The following ACBD6 variants were observed in gnomAD, a reference collection of about 807,000 sequenced individuals.
The protein encoded by ACBD6 is acyl-CoA-binding domain-containing protein 6.
Under a neutral mutation model 37.2 loss-of-function variants are expected in ACBD6, and 28 were observed. The ratio of observed to expected loss-of-function variants is 0.75; its 90% CI spans 0.56 to 1.03. The LOEUF (loss-of-function observed/expected upper bound fraction) is 1.03, where lower values mean the gene tolerates loss of function less well. Ranked by LOEUF, ACBD6 falls within the 50% of genes least tolerant of loss-of-function variation. ACBD6 has a pLI of 0.00. For synonymous variants in ACBD6, 113 were observed against 126.8 expected (o/e 0.89, Z 0.73); for missense variants, 340 against 337.4 (o/e 1.01, Z -0.06).
intron 6 of ACBD6, among the ~76,000 whole-genome samples, chr1:180,379,183 A>G (rs945466925): frequency 2.6e-5 from 4 of 152,166 alleles, no homozygotes; most frequent in African/African-American, 9.7e-5. Flanking sequence ...TCATCCAGAA[A>G]TTACACTACC....
chr1:180,437,302 G>A (rs1162742338), intron 3 of ACBD6, among the ~76,000 whole-genome samples: 1 of 152,204 alleles, frequency 6.6e-6, no homozygotes, highest in Non-Finnish European at 1.5e-5. Context: ...ACCGGGGCTT[G>A]TGACTGGTCA....
At chr1:180,380,681 C>G (rs1653608480) in intron 6 of ACBD6, among the ~76,000 whole-genome samples, 1 of 151,598 alleles carries the variant, frequency 6.6e-6, no homozygotes, top group African/African-American at 2.4e-5. Flanking sequence ...ATCATGAAGA[C>G]ACGTGAAAAT....
At chr1:180,457,793 G>GCTTT (rs372918235) in intron 3 of ACBD6, among the ~76,000 whole-genome samples, 1 of 136,614 alleles carries the variant, frequency 7.3e-6, no homozygotes, top group Non-Finnish European at 1.6e-5. Context: ...AAAATTAACT[G>GCTTT]TTTTTTTTTT....
intron 6 of ACBD6, among the ~76,000 whole-genome samples, chr1:180,394,978 A>C (rs1654206016): frequency 6.6e-6 from 1 of 152,208 alleles, no homozygotes; most frequent in East Asian, 1.9e-4. Flanking sequence ...ATACAATGGG[A>C]AACTGAGGAA....
chr1:180,490,843 T>C (rs1651468691), intron 3 of ACBD6, among the ~76,000 whole-genome samples: 1 of 148,794 alleles, frequency 6.7e-6, no homozygotes, highest in South Asian at 2.1e-4. Context: ...GGTGTGCACC[T>C]ATAGTCCCAG....
chr1:180,314,860 G>A (rs899641988), intron 6 of ACBD6, 138 bp from the exon 7 acceptor site: 1 of 650,972 alleles, frequency 1.5e-6, no homozygotes, highest in African/African-American at 1.8e-5. Context: ...TCAGTTAACT[G>A]AGCTTCACCG....
chr1:180,469,460 G>A (rs1650473663), intron 3 of ACBD6, among the ~76,000 whole-genome samples: 1 of 152,092 alleles, frequency 6.6e-6, no homozygotes, highest in Admixed American at 6.6e-5. Flanking sequence ...AAACAATATA[G>A]TAATTCTACA....
intron 6 of ACBD6, among the ~76,000 whole-genome samples, chr1:180,386,985 T>C (rs2101935818): frequency 6.6e-6 from 1 of 152,332 alleles, no homozygotes; most frequent in South Asian, 2.1e-4. Context: ...GTTTTGAGTA[T>C]GCGTATCTGT....
chr1:180,276,093 T>TG (rs11450923), intron 9 of ACBD6: 145,459 of 152,316 alleles, frequency 0.95, 69,524 homozygotes, highest in East Asian at 0.99. Context: ...TGGGAAGCTG[T>TG]GTTTGCTTCT....
intron 6 of ACBD6, among the ~76,000 whole-genome samples, chr1:180,380,579 C>T (rs1485928862): frequency 6.6e-6 from 1 of 151,400 alleles, no homozygotes; most frequent in African/African-American, 2.4e-5. Flanking sequence ...AAGGGATACT[C>T]AGTATAATAA....
At chr1:180,309,457 T>G (rs1263917722) in intron 7 of ACBD6, among the ~76,000 whole-genome samples, 1 of 152,188 alleles carries the variant, frequency 6.6e-6, no homozygotes, top group Non-Finnish European at 1.5e-5. Flanking sequence ...TTCAATCTGG[T>G]TTAGCTGTTG....
intron 3 of ACBD6, among the ~76,000 whole-genome samples, chr1:180,484,792 G>A (rs1473736591): frequency 3.9e-5 from 6 of 152,038 alleles, no homozygotes; most frequent in African/African-American, 9.7e-5. Context: ...ATGGCTGGGC[G>A]CGGTGGCTCA....
chr1:180,411,727 G>A lies in ACBD6; in HGVS notation c.573+1639C>T, dbSNP rs534483227. Among the ~76,000 whole-genome samples, 26 of 152,230 alleles carry A rather than the reference G, an allele frequency of 1.7e-4. No homozygotes were observed. The South Asian group carries it at 4.4e-3, about 25-fold the overall frequency. ...GTTGCCCAGGCTGGAGTGCCATGGC[G>A]CGATCTAGGCTCACTGCAACCTCTG... On this transcript the variant is annotated intron_variant, in intron 5 of 7. Transcript: ENST00000367595.
chr1:180,308,961 T>C (rs1330869105), intron 7 of ACBD6, among the ~76,000 whole-genome samples: 1 of 152,206 alleles, frequency 6.6e-6, no homozygotes, highest in African/African-American at 2.4e-5. Flanking sequence ...ATAGTACTAA[T>C]AGAACCTTTA....
At chr1:180,305,147 T>C (rs1650299906) in intron 7 of ACBD6, among the ~76,000 whole-genome samples, 1 of 152,146 alleles carries the variant, frequency 6.6e-6, no homozygotes, top group Admixed American at 6.6e-5. Context: ...ATAAAAACCC[T>C]AGATTAAAAC....
chr1:180,443,559 G>C (rs10753211), intron 3 of ACBD6, among the ~76,000 whole-genome samples: 73,887 of 151,948 alleles, frequency 0.49, 20,788 homozygotes, highest in South Asian at 0.66. Context: ...TTGCAGCCTG[G>C]AAAATGCTGC....
intron 3 of ACBD6, among the ~76,000 whole-genome samples, chr1:180,434,302 A>G (rs1648933078): frequency 6.6e-6 from 1 of 152,204 alleles, no homozygotes. Flanking sequence ...CAGAGAGCAG[A>G]CCCTGGAAGA....
chr1:180,341,648 A>G (rs1651990206), intron 6 of ACBD6, among the ~76,000 whole-genome samples: 1 of 152,040 alleles, frequency 6.6e-6, no homozygotes, highest in Admixed American at 6.6e-5. Flanking sequence ...CCTCCTTCCC[A>G]TTATCTCTTG....
At chr1:180,469,498 A>G (rs1026499317) in intron 3 of ACBD6, among the ~76,000 whole-genome samples, 4 of 152,208 alleles carry the variant, frequency 2.6e-5, no homozygotes, top group Non-Finnish European at 5.9e-5. Context: ...CTTTAAAAAC[A>G]TTTTCAAAAA....
Sources: allele counts gnomAD v4.1 joint callset (sites outside exome capture counted in the v4.1 genomes callset), GRCh38; gene constraint gnomAD v4.1.1; transcripts MANE v1.5; gene names NCBI Gene and HGNC (gene_info 2026-07-23, HGNC 2026-07-21).